Variants in WDFY3 observed in about 807,000 individuals in gnomAD.
WDFY3 encodes the protein WD repeat and FYVE domain-containing protein 3.
In WDFY3, 66 loss-of-function variants were observed where a neutral mutation model predicts 409.6. The observed-to-expected ratio is 0.16, with a 90% CI of 0.13 to 0.20. The LOEUF is 0.20. Ranked by LOEUF, WDFY3 falls within the 10% of genes least tolerant of loss-of-function variation. WDFY3 has a pLI of 1.00. For missense variants in WDFY3, 3,031 were observed against 4,298.1 expected (o/e 0.71, Z 8.24); for synonymous variants, 1,521 against 1,537.1 (o/e 0.99, Z 0.25).
intron 57 of WDFY3, among the ~76,000 whole-genome samples, 187 bp downstream of exon 57, chr4:84,696,545 T>C (rs192483696): frequency 8.6e-4 from 131 of 152,200 alleles, no homozygotes; most frequent in African/African-American, 3.0e-3. Flanking sequence ...TATATATATA[T>C]ATAGGGTTTG....
At chr4:84,734,358 A>G (rs1737087680) in intron 43 of WDFY3, among the ~76,000 whole-genome samples, 1 of 152,204 alleles carries the variant, frequency 6.6e-6, no homozygotes, top group African/African-American at 2.4e-5. Flanking sequence ...AATATAACTG[A>G]CAGTAAAGAT....
chr4:84,839,224 CTTATA>C (rs1394244658), intron 6 of WDFY3, among the ~76,000 whole-genome samples: 53 of 151,958 alleles, frequency 3.5e-4, no homozygotes, highest in African/African-American at 1.3e-3. Context: ...GTTAATATTA[CTTATA>C]TTAAATATCA....
intron 56 of WDFY3, among the ~76,000 whole-genome samples, chr4:84,698,125 C>T (rs549010874): frequency 6.6e-6 from 1 of 152,052 alleles, no homozygotes; most frequent in Admixed American, 6.6e-5. Flanking sequence ...GGTAAAAAGG[C>T]TACTTGAGAT....
At chr4:84,902,364 T>A (rs973639390) in intron 2 of WDFY3, among the ~76,000 whole-genome samples, 3 of 152,200 alleles carry the variant, frequency 2.0e-5, no homozygotes, top group African/African-American at 7.2e-5. Flanking sequence ...ATAAATGGGT[T>A]ATATATTTTG....
chr4:84,899,044 AG>A (rs1766007182), intron 2 of WDFY3, among the ~76,000 whole-genome samples: 1 of 152,204 alleles, frequency 6.6e-6, no homozygotes, highest in Non-Finnish European at 1.5e-5. Flanking sequence ...ATGAGTATAG[AG>A]TATATCCAGC....
Position 84,810,048 on chromosome 4 carries a change from T to C in WDFY3, c.2184A>G (p.Leu728=). ...AVRFLGCFSD[L]RKISAMNVFP... is the part of the protein sequence containing the mutation. ...AGACATTCATGGCGCTTATTTTTCT[T>C]AGGTCTGAGAAGCAGCCAAGAAATC... Residue 728 remains leucine (L), a synonymous_variant, in exon 14 of 68, where the codon CTA becomes CTG. Transcript: ENST00000295888. 6.2e-7 allele frequency: 1 copy of C among 1,614,234 alleles called. No homozygotes were observed. The highest frequency in any genetic ancestry group is 1.1e-5 in the South Asian group (1 of 91,086).
intron 10 of WDFY3, among the ~76,000 whole-genome samples, chr4:84,822,194 G>A (rs1272698096): frequency 6.6e-6 from 1 of 152,054 alleles, no homozygotes; most frequent in African/African-American, 2.4e-5. Flanking sequence ...GCAAATTAGT[G>A]ACAATAATTA....
intron 2 of WDFY3, among the ~76,000 whole-genome samples, chr4:84,921,374 A>G (rs1769247035): frequency 6.6e-6 from 1 of 152,046 alleles, no homozygotes; most frequent in African/African-American, 2.4e-5. Flanking sequence ...AAAGAAGGGA[A>G]GGAAAAAGTT....
At chr4:84,754,291 AGC>A (rs1282436674) in intron 34 of WDFY3, among the ~76,000 whole-genome samples, 4 of 152,194 alleles carry the variant, frequency 2.6e-5, no homozygotes, top group African/African-American at 4.8e-5. Flanking sequence ...CTCACTCTTA[AGC>A]ATTATGTAAT....
At chr4:84,846,390 C>T (rs987586050) in intron 5 of WDFY3, among the ~76,000 whole-genome samples, 27 of 151,950 alleles carry the variant, frequency 1.8e-4, no homozygotes, top group African/African-American at 6.5e-4. Flanking sequence ...TTGTGTAATT[C>T]TTACTGTAAT....
At chr4:84,959,584 A>G (rs1294087154) in intron 1 of WDFY3, among the ~76,000 whole-genome samples, 2 of 152,220 alleles carry the variant, frequency 1.3e-5, no homozygotes, top group Non-Finnish European at 2.9e-5. Context: ...GGAGTGGATG[A>G]TGACTGCCAG....
chr4:84,690,662 G>A lies in WDFY3; in HGVS notation c.9207C>T (p.Ala3069=). ...CAGACAAGCATTCATAAACAGTCATGGCCTATAAAGTAAAACGGATGTGAG... is the reference window on the plus strand; with the variant it reads ...CAGACAAGCATTCATAAACAGTCATAGCCTATAAAGTAAAACGGATGTGAG... ...CRLGTYESDK[A]MTVYECLSEW... is the part of the protein sequence containing the mutation. The change falls in exon 61 of 68, where the codon GCC becomes GCT. Residue 3069 remains alanine, a splice_region_variant and synonymous_variant. Coordinates refer to ENST00000295888, the MANE Select transcript of WDFY3 (RefSeq NM_014991.6). 6.2e-7 allele frequency: 1 copy of A among 1,610,766 alleles called. No homozygotes were observed. The highest frequency in any genetic ancestry group is 8.5e-7 in the Non-Finnish European group (1 of 1,178,486).
intron 30 of WDFY3, among the ~76,000 whole-genome samples, chr4:84,771,150 T>C (rs2149423802): frequency 6.6e-6 from 1 of 152,336 alleles, no homozygotes; most frequent in East Asian, 1.9e-4. Context: ...TTTGTTTGTT[T>C]TTAGAGACAG....
At chr4:84,854,550 A>G (rs146248134) in intron 4 of WDFY3, among the ~76,000 whole-genome samples, 75 of 152,308 alleles carry the variant, frequency 4.9e-4, no homozygotes, top group African/African-American at 1.7e-3. Flanking sequence ...TGCAGCATGA[A>G]GCTGGGTGTC....
rs1286269355 is a variant in WDFY3 at position 84,719,215 on chromosome 4, A to G, written c.7606-645T>C. On this transcript the variant is annotated intron_variant, in intron 47 of 67. Coordinates refer to ENST00000295888, the MANE Select transcript of WDFY3 (RefSeq NM_014991.6). ...ATACCCCCTGGAAATGGAACTGTAGAATTTGTTTCTATTCATTCCCCACCT... is the reference window on the plus strand; with the variant it reads ...ATACCCCCTGGAAATGGAACTGTAGGATTTGTTTCTATTCATTCCCCACCT... Among the ~76,000 whole-genome samples, 8 of 152,264 alleles carry G rather than the reference A, an allele frequency of 5.3e-5. No individual in the cohort carries two copies. The East Asian group carries it at 1.5e-3, about 29-fold the overall frequency.
chr4:84,689,856 A>C (rs992720756), intron 61 of WDFY3, among the ~76,000 whole-genome samples: 1 of 152,214 alleles, frequency 6.6e-6, no homozygotes, highest in African/African-American at 2.4e-5. Flanking sequence ...GTATTGTTAC[A>C]TTATTTTTCA....
At chr4:84,880,674 C>CACATATATATATATATATAT (rs1218696740) in intron 3 of WDFY3, among the ~76,000 whole-genome samples, 1 of 50,356 alleles carries the variant, frequency 2.0e-5, no homozygotes, top group Non-Finnish European at 3.4e-5. Context: ...GGGAACCATA[C>CACATATATATATATATATAT]ATATATATAT....
chr4:84,810,015 T>G lies in WDFY3; in HGVS notation c.2217A>C (p.Ser739=), dbSNP rs534636767. 3.7e-6 allele frequency: 6 copies of G among 1,614,196 alleles called. No individual in the cohort carries two copies. The African/African-American group carries it at 6.7e-5, about 18-fold the overall frequency. Residue 739 remains serine (S), a synonymous_variant, in exon 14 of 68, where the codon TCA becomes TCC. Transcript: ENST00000295888. ...RKISAMNVFP[S]NTQPFQRLLE... is the part of the protein sequence containing the mutation. Reference sequence around the variant, plus strand: ...AAAGTCTTTGAAATGGCTGTGTATTTGAGGGGAAGACATTCATGGCGCTTA... The same window carrying G: ...AAAGTCTTTGAAATGGCTGTGTATTGGAGGGGAAGACATTCATGGCGCTTA...
At chr4:84,941,788 C>T (rs1377793460) in intron 1 of WDFY3, among the ~76,000 whole-genome samples, 1 of 151,924 alleles carries the variant, frequency 6.6e-6, no homozygotes, top group Non-Finnish European at 1.5e-5. Flanking sequence ...TAAAAAGCTA[C>T]AGTAATCAAG....
Sources: gnomAD v4.1 joint callset for allele counts (sites outside exome capture counted in the v4.1 genomes callset) on GRCh38, gnomAD v4.1.1 for gene constraint, MANE v1.5 for transcripts, NCBI Gene and HGNC (gene_info 2026-07-23, HGNC 2026-07-21) for gene names.